Variants in LOC400499 observed in about 807,000 individuals in gnomAD.
At chr16:11,449,407 G>C in the LOC400499 span, among the ~76,000 whole-genome samples, 1 of 152,182 alleles carries the variant, frequency 6.6e-6, no homozygotes, top group Non-Finnish European at 1.5e-5. Context: ...CTAGTAGCCA[G>C]GGTGTCTGTA....
the LOC400499 span, among the ~76,000 whole-genome samples, chr16:11,432,621 C>G: frequency 6.6e-6 from 1 of 152,190 alleles, no homozygotes; most frequent in African/African-American, 2.4e-5. Flanking sequence ...CCCCAAGAAG[C>G]TTGCTGTTAA....
the LOC400499 span, among the ~76,000 whole-genome samples, chr16:11,498,899 C>T: frequency 4.7e-5 from 7 of 150,406 alleles, no homozygotes; most frequent in South Asian, 6.4e-4. Flanking sequence ...ATTGTCCAGA[C>T]GGGGAAAATT....
the LOC400499 span, among the ~76,000 whole-genome samples, chr16:11,410,119 G>C: frequency 6.6e-6 from 1 of 151,838 alleles, no homozygotes; most frequent in African/African-American, 2.4e-5. Context: ...ACTCCAACCT[G>C]GGTGACAGAG....
At chr16:11,474,433 G>C in the LOC400499 span, among the ~76,000 whole-genome samples, 1 of 152,052 alleles carries the variant, frequency 6.6e-6, no homozygotes, top group Admixed American at 6.6e-5. Flanking sequence ...TGGAATATTT[G>C]AGTTGCTTCC....
At chr16:11,502,295 C>T in the LOC400499 span, 22 of 396,212 alleles carry the variant, frequency 5.6e-5, no homozygotes, top group Non-Finnish European at 9.8e-5. Flanking sequence ...AAGGACCTAC[C>T]ACCTTCTCCC....
At chr16:11,453,209 G>C in the LOC400499 span, among the ~76,000 whole-genome samples, 22 of 152,150 alleles carry the variant, frequency 1.4e-4, no homozygotes, top group African/African-American at 5.3e-4. Context: ...ATTTTAAGGA[G>C]AATAGATTTT....
chr16:11,441,822 C>T, the LOC400499 span, among the ~76,000 whole-genome samples: 1 of 152,176 alleles, frequency 6.6e-6, no homozygotes, highest in Non-Finnish European at 1.5e-5. Flanking sequence ...TCTGGAGCCT[C>T]CAGAAGGAAC....
the LOC400499 span, among the ~76,000 whole-genome samples, chr16:11,419,823 G>T: frequency 2.9e-4 from 44 of 151,980 alleles, no homozygotes; most frequent in African/African-American, 1.0e-3. Context: ...CATTTATGCA[G>T]CCAAAAGACA....
chr16:11,418,086 G>C, the LOC400499 span, among the ~76,000 whole-genome samples: 1 of 152,342 alleles, frequency 6.6e-6, no homozygotes, highest in African/African-American at 2.4e-5. Context: ...GGCAGGCAGG[G>C]GAGAGTGGGC....
chr16:11,512,999 T>G, the LOC400499 span, among the ~76,000 whole-genome samples: 4 of 152,194 alleles, frequency 2.6e-5, no homozygotes, highest in African/African-American at 9.7e-5. Flanking sequence ...CAGCCAGAGC[T>G]GCAGAACACA....
At chr16:11,383,550 C>T in the LOC400499 span, 1 of 1,188,438 alleles carries the variant, frequency 8.4e-7, no homozygotes, top group Non-Finnish European at 1.1e-6. Context: ...AATTATTTGT[C>T]CTCCCTGGTG....
chr16:11,407,108 C>T, the LOC400499 span: 16 of 396,940 alleles, frequency 4.0e-5, no homozygotes, highest in African/African-American at 2.3e-4. Context: ...GCCCAGGAAC[C>T]GGGACACTAG....
At chr16:11,477,824 G>C in the LOC400499 span, 1 of 398,934 alleles carries the variant, frequency 2.5e-6, no homozygotes, top group South Asian at 1.3e-4. Context: ...TAGATACCTG[G>C]GCTTGACATA....
chr16:11,490,180 G>A, the LOC400499 span, among the ~76,000 whole-genome samples: 2 of 152,092 alleles, frequency 1.3e-5, no homozygotes, highest in African/African-American at 4.8e-5. Flanking sequence ...TGGATCACCT[G>A]AGGTCAGGAG....
chr16:11,416,271 G>C, the LOC400499 span, among the ~76,000 whole-genome samples: 3 of 152,076 alleles, frequency 2.0e-5, no homozygotes, highest in Non-Finnish European at 4.4e-5. Context: ...AAAATTTGAG[G>C]CCAACAGAAG....
chr16:11,491,551 G>C, the LOC400499 span: 36 of 389,982 alleles, frequency 9.2e-5, no homozygotes, highest in East Asian at 7.6e-4. Flanking sequence ...TATCTAGACA[G>C]TGTGGTAGAG....
At chr16:11,465,628 G>A in the LOC400499 span, 1 of 152,038 alleles carries the variant, frequency 6.6e-6, no homozygotes, top group African/African-American at 2.4e-5. Context: ...AAGAAAAATA[G>A]AAGGGCATGG....
chr16:11,392,238 C>A, the LOC400499 span: 1 of 398,936 alleles, frequency 2.5e-6, no homozygotes, highest in Admixed American at 4.4e-5. Context: ...CCCAAGGGCT[C>A]GGGGCTCCTG....
At chr16:11,389,808 A>C in the LOC400499 span, among the ~76,000 whole-genome samples, 3 of 151,902 alleles carry the variant, frequency 2.0e-5, no homozygotes, top group Non-Finnish European at 4.4e-5. Context: ...GCCCCGGTGT[A>C]GATGACTTCC....
Sources: gnomAD v4.1 joint callset for allele counts (sites outside exome capture counted in the v4.1 genomes callset) on GRCh38, gnomAD v4.1.1 for gene constraint, MANE v1.5 for transcripts.